Variants in PRR3 observed in about 807,000 individuals in gnomAD.
PRR3 encodes proline-rich protein 3.
In PRR3, 16 loss-of-function variants were observed where a neutral mutation model predicts 22.4. The ratio of observed to expected loss-of-function variants is 0.71; its 90% CI spans 0.48 to 1.09. The LOEUF (loss-of-function observed/expected upper bound fraction) is 1.09. Ranked by LOEUF, PRR3 falls within the 50% of genes least tolerant of loss-of-function variation. PRR3 has a pLI of 0.00. For synonymous variants in PRR3, 87 were observed against 88.6 expected (o/e 0.98, Z 0.10); for missense variants, 224 against 243.4 (o/e 0.92, Z 0.53).
chr6:30,557,342 A>C lies in PRR3; in HGVS notation c.-3A>C. ...TCCCGCTGCAGCCATTGCCGCAGAC[A>C]CGATGCCGAAACGAAAGAAGCAGAA... On this transcript the variant is annotated 5_prime_UTR_variant, in exon 1 of 4. Coordinates refer to ENST00000376560, the MANE Select transcript of PRR3 (RefSeq NM_025263.4). 6.2e-7 allele frequency: 1 copy of C among 1,611,476 alleles called. No homozygotes were observed. Among genetic ancestry groups the C allele is most frequent in the Non-Finnish European group, 8.5e-7 (1 of 1,179,198 alleles).
intron 2 of PRR3, among the ~76,000 whole-genome samples, chr6:30,559,822 A>G (rs761127545): frequency 4.6e-4 from 70 of 152,102 alleles, no homozygotes; most frequent in Non-Finnish European, 6.6e-4. Flanking sequence ...AAAAAAAAAA[A>G]TGGAAAGCAG....
rs1800719323 is a variant in PRR3 at position 30,562,644 on chromosome 6, G to A, written c.*149G>A. On this transcript the variant is annotated 3_prime_UTR_variant, in exon 4 of 4. Transcript: ENST00000376560. ...CCCATCCACCACTTCCCCCGTGTGG[G>A]GTCCAGAGTGGTGTTGCATCACTGG... 1.6e-6 allele frequency: 1 copy of A among 607,068 alleles called. No individual in the cohort carries two copies. The allele number at this position is 607,068 out of a possible 1,614,324, so 37.6% of individuals were successfully genotyped here.
In PRR3 at chr6:30,562,090, C is replaced by T. The variant is rs1432498393; in HGVS notation, c.426C>T (p.Thr142=). Reference sequence around the variant, plus strand: ...AAAGCTGGTCTCTTATCAAGAATACCTGCCCGCCCAAGGATGACCCCCAGG... The same window carrying T: ...AAAGCTGGTCTCTTATCAAGAATACTTGCCCGCCCAAGGATGACCCCCAGG... ...RLKSWSLIKN[T]CPPKDDPQVM... Residue 142 remains threonine, a synonymous_variant, in exon 3 of 4, where the codon ACC becomes ACT. Coordinates refer to ENST00000376560, the MANE Select transcript of PRR3 (RefSeq NM_025263.4). The T allele has an allele frequency of 3.7e-6, 6 of 1,604,704 alleles. No homozygotes were observed. The African/African-American group carries it at 4.0e-5, about 11-fold the overall frequency.
chr6:30,557,046 C>G, upstream of PRR3: 1 of 700,706 alleles, frequency 1.4e-6, no homozygotes, highest in Non-Finnish European at 2.6e-6. Flanking sequence ...CTGTGACACA[C>G]TCTGAGGAGC....
At chr6:30,559,706 G>C (rs1427924713) in intron 2 of PRR3, among the ~76,000 whole-genome samples, 1 of 151,570 alleles carries the variant, frequency 6.6e-6, no homozygotes, top group East Asian at 1.9e-4. Context: ...AACTACTATA[G>C]AAAACAATAT....
rs1389899962 is a variant in PRR3 at position 30,561,590 on chromosome 6, G to C, written c.170-244G>C. 1.7e-6 allele frequency: 1 copy of C among 600,302 alleles called. No individual in the cohort carries two copies. The highest frequency in any genetic ancestry group is 1.9e-5 in the African/African-American group (1 of 53,934). The allele number at this position is 600,302 out of a possible 1,614,324, so 37.2% of individuals were successfully genotyped here. A position where few individuals can be genotyped will look rare whatever the true frequency, so the allele number is the denominator to read the frequency against. The stretch of plus-strand genomic sequence containing the variant: ...GGATAGTGGTTACCTTTGGGGAGGA[G>C]GGTGGGTAATGGGAAAAGGGGCACA... On this transcript the variant is annotated intron_variant, in intron 2 of 3. Coordinates refer to ENST00000376560, the MANE Select transcript of PRR3 (RefSeq NM_025263.4). The surrounding 1 kb of genome is among the most constrained non-coding windows in gnomAD (Gnocchi z 4.0).
chr6:30,562,003 A>G lies in PRR3; in HGVS notation c.339A>G (p.Pro113=). ...ATGCAGAACCTCCTTTTCCGGGGCC[A>G]GGCCATGGGGGTCCCACCAGGGGAA... ...GVNAEPPFPG[P]GHGGPTRGSF... is the part of the protein sequence containing the mutation. The change falls in exon 3 of 4, where the codon CCA becomes CCG. Residue 113 remains proline, a synonymous_variant. Transcript: ENST00000376560. 6.2e-7 allele frequency: 1 copy of G among 1,613,028 alleles called. No individual in the cohort carries two copies. The highest frequency in any genetic ancestry group is 8.5e-7 in the Non-Finnish European group (1 of 1,180,002).
At chr6:30,560,843 T>A (rs1186953780) in intron 2 of PRR3, 1 of 156,234 alleles carries the variant, frequency 6.4e-6, no homozygotes, top group Non-Finnish European at 1.4e-5. Flanking sequence ...GTAACACTAC[T>A]GAACTGTACA....
Position 30,562,971 on chromosome 6 carries a change from G to T in PRR3, c.*476G>T. On this transcript the variant is annotated 3_prime_UTR_variant, in exon 4 of 4. Coordinates refer to ENST00000376560, the MANE Select transcript of PRR3 (RefSeq NM_025263.4). ...TCAGCTGCTTGTGAAACTCAGCCAG[G>T]TTGTCTAACCTGGGGTCAAGTTTGG... 1 of 153,254 alleles carries T rather than the reference G, an allele frequency of 6.5e-6. No individual in the cohort carries two copies. The highest frequency in any genetic ancestry group is 1.9e-4 in the East Asian group (1 of 5,196). 9.5% of individuals were successfully genotyped at this position (153,254 alleles called of 1,614,324 possible).
chr6:30,558,939 A>C (rs1800437496), intron 2 of PRR3, among the ~76,000 whole-genome samples: 1 of 152,256 alleles, frequency 6.6e-6, no homozygotes, highest in South Asian at 2.1e-4. Context: ...TGGACTGTAG[A>C]TCTAAGTATA....
At chr6:30,557,212 C>A, upstream of PRR3, 1 of 767,910 alleles carries the variant, frequency 1.3e-6, no homozygotes, top group Non-Finnish European at 2.3e-6. Flanking sequence ...ATGTTCTCCG[C>A]AACCTTCCGG....
rs1371119713 is a variant in PRR3, at chr6:30,561,252, T to C, written c.170-582T>C. On this transcript the variant is annotated intron_variant, in intron 2 of 3. Transcript: ENST00000376560. This position sits in a 1 kb window ranked among gnomAD's most constrained non-coding sequence, Gnocchi z 4.0. ...ATAAGCCAGTAATACCTCTACTACG[T>C]ATATATTCAACAGAAATGCATACGT... The C allele has an allele frequency of 2.3e-6, 1 of 427,606 alleles. No individual in the cohort carries two copies. The highest frequency in any genetic ancestry group is 2.0e-5 in the African/African-American group (1 of 49,280). The allele number at this position is 427,606 out of a possible 1,614,324, so 26.5% of individuals were successfully genotyped here. A position where few individuals can be genotyped will look rare whatever the true frequency, so the allele number is the denominator to read the frequency against.
At chr6:30,558,245 G>A (rs1321517020) in intron 2 of PRR3, 33 bp downstream of exon 2, 2 of 1,588,778 alleles carry the variant, frequency 1.3e-6, no homozygotes, top group Non-Finnish European at 1.7e-6. Flanking sequence ...CCTTGTATTA[G>A]GTCGTAGAGA....
upstream of PRR3, chr6:30,556,872 C>A (rs1166408851): frequency 1.7e-6 from 1 of 591,910 alleles, no homozygotes. The surrounding 1 kb of genome is among the most constrained non-coding windows in gnomAD (Gnocchi z 5.7). Context: ...AGTGCAAAAG[C>A]GGGCGAGAAG....
Position 30,562,571 on chromosome 6 carries a change from TG to T in PRR3, c.*78del. ...CATTTATTTCTCTGTAGCCCTATGA[TG>T]GCTACTGTGAGGCTCTTCTAACACC... On this transcript the variant is annotated 3_prime_UTR_variant, in exon 4 of 4. Transcript: ENST00000376560. 2 of 913,426 alleles carry T rather than the reference TG, an allele frequency of 2.2e-6. No individual in the cohort carries two copies. The highest frequency in any genetic ancestry group is 3.6e-6 in the Non-Finnish European group (2 of 559,190). The allele number at this position is 913,426 out of a possible 1,614,324, so 56.6% of individuals were successfully genotyped here.
chr6:30,561,834 C>A lies in PRR3; in HGVS notation c.170C>A (p.Ala57Asp). 6.5e-7 allele frequency: 1 copy of A among 1,548,174 alleles called. No homozygotes were observed. The change falls in exon 3 of 4, where the codon GCT becomes GAT. Residue 57 changes from alanine (A) to aspartate (D), a missense_variant and splice_region_variant. Physicochemically the swap from Ala to Asp is moderately radical, Grantham distance 126. Transcript: ENST00000376560. This position sits in a 1 kb window ranked among gnomAD's most constrained non-coding sequence, Gnocchi z 4.0. ...TGTCTCTCTCTCTCTCTCTCTCCAG[C>A]TCTTCACAGAGGTCCTCCAGGATCA... ...ANGKPGDPKS[A>D]LHRGPPGSRG...
intron 1 of PRR3, 95 bp from the exon 2 acceptor site, chr6:30,558,055 A>G: frequency 9.4e-7 from 1 of 1,060,296 alleles, no homozygotes; most frequent in South Asian, 1.3e-5. Context: ...TTACTGGTTG[A>G]ATTAAGAAAT....
At chr6:30,558,092 A>T in intron 1 of PRR3, 58 bp from the exon 2 acceptor site, 2 of 1,407,222 alleles carry the variant, frequency 1.4e-6, no homozygotes, top group Non-Finnish European at 2.0e-6. Flanking sequence ...ACACCTAAGA[A>T]CAGAATCATC....
intron 2 of PRR3, 44 bp downstream of exon 2, chr6:30,558,256 A>G: frequency 6.5e-7 from 1 of 1,536,396 alleles, no homozygotes; most frequent in Non-Finnish European, 9.0e-7. Flanking sequence ...GTCGTAGAGA[A>G]GACAGCAAGG....
Sources: gnomAD v4.1 joint callset for allele counts (sites outside exome capture counted in the v4.1 genomes callset) on GRCh38, gnomAD v4.1.1 for gene constraint, Gnocchi (gnomAD v3.1) non-coding constraint, MANE v1.5 for transcripts, NCBI Gene and HGNC (gene_info 2026-07-23, HGNC 2026-07-21) for gene names.